Variants in ARHGEF3 observed in about 807,000 individuals in gnomAD.
ARHGEF3 encodes 59.8 kDA protein.
A neutral mutation model predicts 63.2 loss-of-function variants in ARHGEF3; 28 were observed. That is an observed-to-expected ratio of 0.44 (90% CI 0.33 to 0.61). The LOEUF is 0.61. ARHGEF3 is among the 20% of genes least tolerant of loss of function. The pLI is 0.03. For synonymous variants in ARHGEF3, 266 were observed against 254.2 expected, an observed-to-expected ratio of 1.05 and a Z score of -0.44; for missense variants, 533 against 659.3, an observed-to-expected ratio of 0.81 and a Z score of 2.10.
intron 4 of ARHGEF3, among the ~76,000 whole-genome samples, chr3:56,853,184 A>G (rs943144144): frequency 1.3e-5 from 2 of 152,198 alleles, no homozygotes; most frequent in African/African-American, 2.4e-5. Context: ...GAGGACATGC[A>G]TTGTTAAAGA....
intron 1 of ARHGEF3, among the ~76,000 whole-genome samples, chr3:57,037,153 G>A (rs1703996592): frequency 6.6e-6 from 1 of 152,162 alleles, no homozygotes; most frequent in Non-Finnish European, 1.5e-5. Flanking sequence ...GCATTATGGA[G>A]GGGCCCAGGC....
At chr3:56,900,747 G>A (rs902691709) in intron 3 of ARHGEF3, among the ~76,000 whole-genome samples, 2 of 152,124 alleles carry the variant, frequency 1.3e-5, no homozygotes, top group African/African-American at 2.4e-5. Flanking sequence ...GCTTTTAATC[G>A]GAAGTTACCA....
chr3:56,739,477 T>C (rs2033869730), intron 7 of ARHGEF3, among the ~76,000 whole-genome samples: 1 of 150,482 alleles, frequency 6.6e-6, no homozygotes, highest in Non-Finnish European at 1.5e-5. Context: ...CTTGGCTCAC[T>C]GCAACCCCTG....
chr3:56,933,247 T>G (rs1215575291), intron 3 of ARHGEF3, among the ~76,000 whole-genome samples: 4 of 152,206 alleles, frequency 2.6e-5, no homozygotes, highest in Admixed American at 6.5e-5. Context: ...CTTTCTTCCC[T>G]CTAAATTGGT....
chr3:56,883,417 A>T (rs1464776767), intron 3 of ARHGEF3, among the ~76,000 whole-genome samples: 1 of 151,380 alleles, frequency 6.6e-6, no homozygotes, highest in African/African-American at 2.4e-5. Flanking sequence ...CTCTTGCCTC[A>T]GCCTCCCAAG....
At position 56,980,476 on chromosome 3, in the gene ARHGEF3, G is replaced by GT. The variant is rs573706003; in HGVS notation, c.63-21588dup. ...CACACCATCAGAAAGGCTAAAAACT[G>GT]TAAGGCGACTCATTGTGGGTCGGGA... On this transcript the variant is annotated intron_variant, in intron 2 of 12. Transcript: ENST00000338458. 1.3e-3 allele frequency among the ~76,000 whole-genome samples: 197 copies of GT among 152,326 alleles called. 1 individual carries two copies. Among genetic ancestry groups the GT allele is most frequent in the African/African-American group, 4.5e-3 (189 of 41,566 alleles).
At chr3:56,756,229 T>C (rs1294350076) in intron 2 of ARHGEF3, among the ~76,000 whole-genome samples, 1 of 152,308 alleles carries the variant, frequency 6.6e-6, no homozygotes, top group Non-Finnish European at 1.5e-5. Flanking sequence ...ATCACACTTA[T>C]TGGAGACTTT....
chr3:56,895,757 C>G (rs750946214), intron 3 of ARHGEF3, among the ~76,000 whole-genome samples: 3 of 152,138 alleles, frequency 2.0e-5, no homozygotes, highest in Non-Finnish European at 4.4e-5. Flanking sequence ...GCCACCGCAC[C>G]CGGCCATTCA....
At chr3:56,762,691 C>T (rs1018247494) in intron 2 of ARHGEF3, among the ~76,000 whole-genome samples, 2 of 152,168 alleles carry the variant, frequency 1.3e-5, no homozygotes, top group Non-Finnish European at 2.9e-5. Context: ...CCACACTTAC[C>T]ATGCTAACCA....
intron 8 of ARHGEF3, among the ~76,000 whole-genome samples, chr3:56,733,751 AG>A (rs1374492755): frequency 1.2e-4 from 18 of 152,070 alleles, no homozygotes; most frequent in Non-Finnish European, 2.4e-4. Context: ...TGGGAGGCCG[AG>A]GTGGGCGGAT....
intron 1 of ARHGEF3, among the ~76,000 whole-genome samples, chr3:56,792,251 T>C (rs926147567): frequency 1.3e-5 from 2 of 152,232 alleles, no homozygotes; most frequent in Non-Finnish European, 2.9e-5. Context: ...TCCCCTCTTC[T>C]CTACATCCCA....
intron 3 of ARHGEF3, among the ~76,000 whole-genome samples, chr3:56,937,306 A>G (rs1698954320): frequency 6.6e-6 from 1 of 152,232 alleles, no homozygotes; most frequent in Admixed American, 6.5e-5. Context: ...TAATGTAGGA[A>G]AATGTCCTTA....
intron 3 of ARHGEF3, among the ~76,000 whole-genome samples, chr3:56,926,211 G>A (rs531199394): frequency 1.3e-5 from 2 of 152,300 alleles, no homozygotes; most frequent in Non-Finnish European, 2.9e-5. Context: ...GGAGAGGGGG[G>A]TCAGCGCAAA....
At chr3:56,939,326 T>A (rs1203908434) in intron 3 of ARHGEF3, among the ~76,000 whole-genome samples, 1 of 152,134 alleles carries the variant, frequency 6.6e-6, no homozygotes, top group Non-Finnish European at 1.5e-5. Context: ...GACATCACCA[T>A]CTCCTCTCAT....
chr3:56,878,352 G>C (rs998101911), intron 4 of ARHGEF3, among the ~76,000 whole-genome samples: 1 of 152,194 alleles, frequency 6.6e-6, no homozygotes, highest in Admixed American at 6.5e-5. Flanking sequence ...GCTCTCAAAA[G>C]TGTACGTTGC....
chr3:56,927,665 T>C (rs1021026728), intron 3 of ARHGEF3, among the ~76,000 whole-genome samples: 3 of 152,102 alleles, frequency 2.0e-5, no homozygotes, highest in Non-Finnish European at 4.4e-5. Flanking sequence ...AGGTTCAATG[T>C]CAGGGATACC....
chr3:56,975,342 C>G (rs561488336), intron 2 of ARHGEF3, among the ~76,000 whole-genome samples: 1 of 152,148 alleles, frequency 6.6e-6, no homozygotes, highest in Non-Finnish European at 1.5e-5. Flanking sequence ...CGCTTGAACC[C>G]AGGAGGTGGA....
At chr3:56,822,035 G>GAAGAGAAGAA (rs2038525188) in intron 4 of ARHGEF3, among the ~76,000 whole-genome samples, 1 of 148,224 alleles carries the variant, frequency 6.7e-6, no homozygotes, top group Non-Finnish European at 1.5e-5. Context: ...GAAGAGAAGC[G>GAAGAGAAGAA]AGGAAAAGAA....
At chr3:56,995,020 T>A (rs1335433077) in intron 2 of ARHGEF3, among the ~76,000 whole-genome samples, 1 of 152,174 alleles carries the variant, frequency 6.6e-6, no homozygotes, top group Non-Finnish European at 1.5e-5. Flanking sequence ...CCTTCTGCCA[T>A]GATTCTAAGT....
Sources: allele counts gnomAD v4.1 joint callset (sites outside exome capture counted in the v4.1 genomes callset), GRCh38; gene constraint gnomAD v4.1.1; transcripts MANE v1.5; gene names NCBI Gene and HGNC (gene_info 2026-07-23, HGNC 2026-07-21).